Variants in ROBO2 observed in about 807,000 individuals in gnomAD.
The protein encoded by ROBO2 is roundabout guidance receptor 2.
Under a neutral mutation model 160.8 loss-of-function variants are expected in ROBO2, and 53 were observed. The observed-to-expected ratio is 0.33, with a 90% CI of 0.26 to 0.41. The LOEUF is 0.41. ROBO2 is among the 10% of genes least tolerant of loss of function. ROBO2 has a pLI of 1.00. For missense variants in ROBO2, 1,577 were observed against 1,722.4 expected (o/e 0.92, Z 1.49); for synonymous variants, 664 against 611.7 (o/e 1.09, Z -1.26).
intron 2 of ROBO2, among the ~76,000 whole-genome samples, chr3:77,160,817 C>T (rs1353486669): frequency 6.6e-5 from 10 of 152,074 alleles, no homozygotes; most frequent in African/African-American, 2.4e-4. Flanking sequence ...ATATTGACCT[C>T]CAGAAATAAT....
At chr3:76,565,072 T>G (rs1205368870) in intron 2 of ROBO2, among the ~76,000 whole-genome samples, 3 of 152,300 alleles carry the variant, frequency 2.0e-5, no homozygotes, top group South Asian at 2.1e-4. Flanking sequence ...TACCCTTTTG[T>G]GATAACAATT....
chr3:76,090,567 A>G (rs897142902), intron 2 of ROBO2, among the ~76,000 whole-genome samples: 3 of 152,226 alleles, frequency 2.0e-5, no homozygotes, highest in Admixed American at 1.3e-4. Flanking sequence ...AATCTTAGCA[A>G]GTTATTCTAT....
intron 2 of ROBO2, among the ~76,000 whole-genome samples, chr3:76,016,440 C>T (rs547675545): frequency 2.7e-4 from 41 of 151,380 alleles, no homozygotes; most frequent in African/African-American, 8.2e-4. Flanking sequence ...GTGCCTAGCT[C>T]GGATGCTAAT....
At chr3:77,516,703 A>G (rs2090057575) in intron 5 of ROBO2, among the ~76,000 whole-genome samples, 2 of 151,662 alleles carry the variant, frequency 1.3e-5, no homozygotes, top group African/African-American at 4.8e-5. Context: ...CGAATTAAAT[A>G]TTCCAAGTTC....
chr3:76,458,199 T>G (rs764528549), intron 2 of ROBO2, among the ~76,000 whole-genome samples: 19 of 152,202 alleles, frequency 1.2e-4, no homozygotes, highest in Non-Finnish European at 2.2e-4. Context: ...CTTATAAAAC[T>G]GAATGCCTTT....
At chr3:76,644,458 C>A (rs796439256) in intron 2 of ROBO2, among the ~76,000 whole-genome samples, 6 of 152,196 alleles carry the variant, frequency 3.9e-5, no homozygotes, top group African/African-American at 1.4e-4. Flanking sequence ...TGCGCTGGGC[C>A]CTCTGGGTTC....
At chr3:76,396,806 G>C (rs1029914645) in intron 2 of ROBO2, among the ~76,000 whole-genome samples, 52 of 152,062 alleles carry the variant, frequency 3.4e-4, no homozygotes, top group Non-Finnish European at 5.4e-4. Context: ...ACAAACCACT[G>C]CTCAATGAAA....
chr3:77,313,516 T>A (rs2063718058), intron 2 of ROBO2, among the ~76,000 whole-genome samples: 1 of 152,114 alleles, frequency 6.6e-6, no homozygotes, highest in Non-Finnish European at 1.5e-5. Flanking sequence ...TCTCTTCCTA[T>A]CCCTGCTTTC....
chr3:77,609,252 C>T (rs1386717154), intron 21 of ROBO2, among the ~76,000 whole-genome samples: 1 of 151,938 alleles, frequency 6.6e-6, no homozygotes, highest in Non-Finnish European at 1.5e-5. Context: ...AAAAGTATAT[C>T]CTGTGTCCTC....
At chr3:77,227,178 G>A (rs1207109158) in intron 2 of ROBO2, among the ~76,000 whole-genome samples, 2 of 151,952 alleles carry the variant, frequency 1.3e-5, no homozygotes, top group Admixed American at 1.3e-4. Flanking sequence ...TAGTAGTTAA[G>A]TTGTTTTAAC....
At chr3:76,790,167 T>C (rs967983147) in intron 2 of ROBO2, among the ~76,000 whole-genome samples, 2 of 151,656 alleles carry the variant, frequency 1.3e-5, no homozygotes, top group African/African-American at 4.8e-5. Flanking sequence ...GAAGATTAAT[T>C]TATTCAATCA....
At chr3:77,124,140 C>T (rs1453301203) in intron 2 of ROBO2, among the ~76,000 whole-genome samples, 2 of 152,048 alleles carry the variant, frequency 1.3e-5, no homozygotes, top group Non-Finnish European at 2.9e-5. Flanking sequence ...CTGCTCCTTT[C>T]GTTCTGGATA....
At chr3:77,090,649 C>T (rs997189699) in intron 1 of ROBO2, among the ~76,000 whole-genome samples, 2 of 151,930 alleles carry the variant, frequency 1.3e-5, no homozygotes, top group Non-Finnish European at 2.9e-5. Context: ...TCACAGCGCC[C>T]GGCCTAAACC....
chr3:77,173,115 G>T (rs1474698637), intron 2 of ROBO2, among the ~76,000 whole-genome samples: 2 of 152,116 alleles, frequency 1.3e-5, no homozygotes, highest in African/African-American at 4.8e-5. Flanking sequence ...AGAAAGCATT[G>T]ACCCAAATAT....
intron 2 of ROBO2, among the ~76,000 whole-genome samples, chr3:76,960,941 G>A (rs2079602440): frequency 1.3e-5 from 2 of 152,058 alleles, no homozygotes; most frequent in Admixed American, 1.3e-4. Context: ...ATGATAAAAT[G>A]TAAATCACTG....
At chr3:76,390,502 CT>C (rs1392927035) in intron 2 of ROBO2, among the ~76,000 whole-genome samples, 1 of 152,100 alleles carries the variant, frequency 6.6e-6, no homozygotes, top group Non-Finnish European at 1.5e-5. Flanking sequence ...ATAATTATAA[CT>C]GTAATTTTTA....
At chr3:76,412,471 C>G (rs541900281) in intron 2 of ROBO2, among the ~76,000 whole-genome samples, 1 of 152,206 alleles carries the variant, frequency 6.6e-6, no homozygotes, top group Non-Finnish European at 1.5e-5. Flanking sequence ...AGGCCATTCC[C>G]TTCCTGCTAT....
At chr3:77,279,427 GA>G (rs1404863952) in intron 2 of ROBO2, among the ~76,000 whole-genome samples, 1 of 152,092 alleles carries the variant, frequency 6.6e-6, no homozygotes, top group Non-Finnish European at 1.5e-5. Flanking sequence ...ATTAGCATTT[GA>G]AAAAGACATT....
chr3:77,351,603 T>C (rs1214183882), intron 2 of ROBO2, among the ~76,000 whole-genome samples: 2 of 152,080 alleles, frequency 1.3e-5, no homozygotes, highest in Non-Finnish European at 2.9e-5. Context: ...CTTAACAAAG[T>C]GGCAGAGTCA....
Sources: gnomAD v4.1 joint callset for allele counts (sites outside exome capture counted in the v4.1 genomes callset) on GRCh38, gnomAD v4.1.1 for gene constraint, MANE v1.5 for transcripts, NCBI Gene and HGNC (gene_info 2026-07-23, HGNC 2026-07-21) for gene names.